Variants in POM121C observed in about 807,000 individuals in gnomAD.
POM121C encodes the protein POM121 transmembrane nucleoporin C.
Under a neutral mutation model 66.4 loss-of-function variants are expected in POM121C, and 20 were observed. That is an observed-to-expected ratio of 0.30 (90% CI 0.21 to 0.44). The LOEUF is 0.44. POM121C is among the 20% of genes least tolerant of loss of function. POM121C has a pLI of 1.00. For missense variants in POM121C, 580 were observed against 1,225.7 expected (o/e 0.47, Z 7.87); for synonymous variants, 286 against 528.0 (o/e 0.54, Z 6.28).
rs1365795344 is a variant in POM121C at position 75,421,498 on chromosome 7, C to T, written c.2743+11G>A. On this transcript the variant is annotated intron_variant, in intron 13 of 14. Transcript: ENST00000615331. Reference sequence around the variant, plus strand: ...TCCGGCCCGGTAGCCCAAGTCCACGCCCCTCCTTACCTCCAAACACAGGTT... The same window carrying T: ...TCCGGCCCGGTAGCCCAAGTCCACGTCCCTCCTTACCTCCAAACACAGGTT... The T allele has an allele frequency of 6.8e-6, 11 of 1,611,154 alleles. No individual in the cohort carries two copies. Among genetic ancestry groups the T allele is most frequent in the Admixed American group, 6.7e-5 (4 of 59,940 alleles).
chr7:75,473,613 T>A (rs1487450067), intron 3 of POM121C, among the ~76,000 whole-genome samples: 1 of 152,042 alleles, frequency 6.6e-6, no homozygotes, highest in Admixed American at 6.6e-5. Flanking sequence ...GGTTTTGGTA[T>A]CTGAATGCCT....
intron 3 of POM121C, among the ~76,000 whole-genome samples, chr7:75,457,758 G>A (rs1554476491): frequency 6.6e-6 from 1 of 152,176 alleles, no homozygotes; most frequent in Non-Finnish European, 1.5e-5. Context: ...CCCATTTCCC[G>A]TTCCCCGTCC....
At chr7:75,434,520 A>G (rs1266175036) in intron 7 of POM121C, among the ~76,000 whole-genome samples, 3 of 149,488 alleles carry the variant, frequency 2.0e-5, no homozygotes, top group Non-Finnish European at 4.4e-5. Context: ...CAGGTGATCC[A>G]CCTGCCTTGG....
chr7:75,434,270 T>C (rs1294687708), intron 7 of POM121C, among the ~76,000 whole-genome samples: 3 of 151,602 alleles, frequency 2.0e-5, no homozygotes, highest in Non-Finnish European at 4.4e-5. Context: ...GAGACAAAAA[T>C]TAAATACTAT....
rs1789561581 is a variant in POM121C, at chr7:75,418,445, A to G, written c.*351T>C. On this transcript the variant is annotated 3_prime_UTR_variant, in exon 15 of 15. Transcript: ENST00000615331. ...GGGCTGGACCCTGCCCCCTCCAGCG[A>G]CGACGGCTCTCGGGGAAAGGTGGAA... is the stretch of plus-strand genomic sequence containing the variant. 5.7e-6 allele frequency: 6 copies of G among 1,046,992 alleles called. No homozygotes were observed. Among genetic ancestry groups the G allele is most frequent in the Non-Finnish European group, 6.9e-6 (6 of 869,298 alleles). 64.9% of individuals were successfully genotyped at this position (1,046,992 alleles called of 1,614,324 possible).
chr7:75,441,422 T>C lies in POM121C; in HGVS notation c.65+10A>G, dbSNP rs782025580. 3.1e-6 allele frequency: 5 copies of C among 1,613,566 alleles called. No individual in the cohort carries two copies. The East Asian group carries it at 8.9e-5, about 29-fold the overall frequency. ...AAAAGGGAGAGTATTCTTCCAACGA[T>C]AATACTCACATCGCAGAACGTGAAA... is the stretch of plus-strand genomic sequence containing the variant. On this transcript the variant is annotated intron_variant, in intron 4 of 14. Coordinates refer to ENST00000615331, the MANE Select transcript of POM121C (RefSeq NM_001099415.3).
intron 7 of POM121C, among the ~76,000 whole-genome samples, chr7:75,434,153 G>A (rs1383460244): frequency 2.6e-5 from 4 of 152,182 alleles, no homozygotes; most frequent in African/African-American, 9.7e-5. Context: ...GTGAGATTTG[G>A]CTGGTAGCCC....
rs1250156408 is a variant in POM121C, at chr7:75,417,375, T to C, written c.*1421A>G. ...TAGCATTTATACTTAACCACCTCAATGAACCAAGCTTGAAGGAATTTAAAA... is the reference window on the plus strand; with the variant it reads ...TAGCATTTATACTTAACCACCTCAACGAACCAAGCTTGAAGGAATTTAAAA... On this transcript the variant is annotated 3_prime_UTR_variant, in exon 15 of 15. Coordinates refer to ENST00000615331, the MANE Select transcript of POM121C (RefSeq NM_001099415.3). 21 of 865,314 alleles carry C rather than the reference T, an allele frequency of 2.4e-5. No individual in the cohort carries two copies. The highest frequency in any genetic ancestry group is 2.9e-5 in the Non-Finnish European group (21 of 720,232). The allele number at this position is 865,314 out of a possible 1,614,324, so 53.6% of individuals were successfully genotyped here. A position where few individuals can be genotyped will look rare whatever the true frequency, so the allele number is the denominator to read the frequency against.
intron 3 of POM121C, among the ~76,000 whole-genome samples, chr7:75,458,500 C>T (rs587703550): frequency 0.011 from 1,702 of 151,358 alleles, 2 homozygotes; most frequent in African/African-American, 0.033. Flanking sequence ...TGCACTCCAG[C>T]CAGGGCAACA....
Position 75,424,234 on chromosome 7 carries a change from G to T in POM121C, c.872-9C>A, listed in dbSNP as rs1271518483. The T allele has an allele frequency of 3.1e-6, 5 of 1,611,836 alleles. No individual in the cohort carries two copies. Among genetic ancestry groups the T allele is most frequent in the African/African-American group, 2.7e-5 (2 of 74,838 alleles). ...AGAGTTCGAGGCAGCATCTAAGAAA[G>T]AAAGAAAGGTGAAGCAGTCCTGGCT... On this transcript the variant is annotated splice_polypyrimidine_tract_variant and intron_variant, in intron 11 of 14. Transcript: ENST00000615331.
At chr7:75,483,536 G>C (rs1230358050) in intron 1 of POM121C, among the ~76,000 whole-genome samples, 5 of 152,102 alleles carry the variant, frequency 3.3e-5, no homozygotes, top group Admixed American at 1.3e-4. Context: ...TCCTATGATA[G>C]AGCCTGCAGA....
intron 3 of POM121C, among the ~76,000 whole-genome samples, chr7:75,455,375 A>C (rs1554476193): frequency 6.6e-6 from 1 of 151,886 alleles, no homozygotes; most frequent in East Asian, 1.9e-4. Flanking sequence ...GCTCACTGCA[A>C]CTTCTGCCTC....
chr7:75,465,123 T>C (rs1460751400), intron 3 of POM121C, among the ~76,000 whole-genome samples: 1 of 151,352 alleles, frequency 6.6e-6, no homozygotes, highest in Non-Finnish European at 1.5e-5. Flanking sequence ...GCCTCCCAAG[T>C]AGCTGGGATT....
chr7:75,479,762 A>G (rs1239542715), intron 1 of POM121C, among the ~76,000 whole-genome samples: 7 of 152,122 alleles, frequency 4.6e-5, no homozygotes, highest in African/African-American at 1.7e-4. Context: ...GAAGTGTCCT[A>G]TTGTAAGCTT....
chr7:75,477,323 C>T (rs376944598), intron 1 of POM121C, among the ~76,000 whole-genome samples: 1 of 152,194 alleles, frequency 6.6e-6, no homozygotes, highest in Admixed American at 6.5e-5. Flanking sequence ...TGGCTCACGC[C>T]TGTAATCCCA....
chr7:75,442,278 T>G, intron 3 of POM121C: 1 of 1,452,894 alleles, frequency 6.9e-7, no homozygotes, highest in Non-Finnish European at 9.0e-7. Flanking sequence ...CGGCCAGGCC[T>G]ATTCCGCAGG....
intron 3 of POM121C, among the ~76,000 whole-genome samples, chr7:75,465,520 T>G (rs1197621825): frequency 7.3e-5 from 11 of 151,308 alleles, no homozygotes; most frequent in South Asian, 2.1e-4. Context: ...TTTGGGAGGC[T>G]GAGGCGGGTG....
chr7:75,438,139 A>T (rs1334707084), intron 6 of POM121C, among the ~76,000 whole-genome samples: 1 of 152,148 alleles, frequency 6.6e-6, no homozygotes, highest in African/African-American at 2.4e-5. Flanking sequence ...AGTTAAGAGG[A>T]ACCCATCATT....
At chr7:75,476,360 G>T (rs1266408830) in intron 1 of POM121C, among the ~76,000 whole-genome samples, 18 of 151,590 alleles carry the variant, frequency 1.2e-4, no homozygotes, top group African/African-American at 3.6e-4. Context: ...GCCTCCCAAA[G>T]TATTGGGATT....
Sources: gnomAD v4.1 joint callset for allele counts (sites outside exome capture counted in the v4.1 genomes callset) on GRCh38, gnomAD v4.1.1 for gene constraint, MANE v1.5 for transcripts, NCBI Gene and HGNC (gene_info 2026-07-23, HGNC 2026-07-21) for gene names.